Variants in NKAIN3 observed in about 807,000 individuals in gnomAD.
NKAIN3 encodes the protein sodium/potassium-transporting ATPase subunit beta-1-interacting protein 3.
Under a neutral mutation model 30.2 loss-of-function variants are expected in NKAIN3, and 25 were observed. That is an observed-to-expected ratio of 0.83 (90% CI 0.60 to 1.16). The LOEUF (loss-of-function observed/expected upper bound fraction) is 1.16, where lower values mean the gene tolerates loss of function less well. NKAIN3 is among the 50% of genes most tolerant of loss of function. The pLI is 0.00. For missense variants in NKAIN3, 225 were observed against 254.1 expected, an observed-to-expected ratio of 0.89 and a Z score of 0.78; for synonymous variants, 91 against 89.6, an observed-to-expected ratio of 1.02 and a Z score of -0.09.
chr8:62,358,907 C>G (rs925784060), intron 1 of NKAIN3, among the ~76,000 whole-genome samples: 1 of 152,126 alleles, frequency 6.6e-6, no homozygotes, highest in Non-Finnish European at 1.5e-5. Flanking sequence ...TATGGCCGGG[C>G]GCGGTGGCTC....
intron 4 of NKAIN3, among the ~76,000 whole-genome samples, chr8:62,747,491 G>C (rs1026781067): frequency 6.6e-6 from 1 of 152,126 alleles, no homozygotes; most frequent in Non-Finnish European, 1.5e-5. Flanking sequence ...GAGAAAGAAG[G>C]ATGGAAACAC....
rs1823908929 is a variant in NKAIN3, at chr8:62,974,825, G to A, written c.*9418G>A. Among the ~76,000 whole-genome samples, 1 of 152,122 alleles carries A rather than the reference G, an allele frequency of 6.6e-6. No homozygotes were observed. The highest frequency in any genetic ancestry group is 2.1e-4 in the South Asian group (1 of 4,824). ...GTCATAACAGCTCTTATTATTTTGA[G>A]ATATGTTCCATCAATACCTAGTTTA... On this transcript the variant is annotated 3_prime_UTR_variant, in exon 7 of 7. Transcript: ENST00000623646.
At chr8:62,286,302 C>T (rs970728899) in intron 1 of NKAIN3, among the ~76,000 whole-genome samples, 2 of 152,120 alleles carry the variant, frequency 1.3e-5, no homozygotes, top group African/African-American at 4.8e-5. Flanking sequence ...CAAAATTTAT[C>T]TTAGCAGGCT....
At chr8:62,292,603 C>T (rs1321920654) in intron 1 of NKAIN3, among the ~76,000 whole-genome samples, 2 of 152,170 alleles carry the variant, frequency 1.3e-5, no homozygotes, top group Non-Finnish European at 2.9e-5. Flanking sequence ...GCTGAGAGAT[C>T]CACCGTTAGT....
At chr8:62,809,836 T>G (rs1372131612) in intron 4 of NKAIN3, among the ~76,000 whole-genome samples, 1 of 152,212 alleles carries the variant, frequency 6.6e-6, no homozygotes, top group Non-Finnish European at 1.5e-5. Context: ...GAAACGGCAT[T>G]TGCCTGAGGT....
rs1234055730 is a variant in NKAIN3, at chr8:62,983,969, G to A, written c.*18562G>A. ...CGTTTAAATAAAACTTAACAGACTA[G>A]GCAACTAAAGGAACTCAGTAAAAGA... is the stretch of plus-strand genomic sequence containing the variant. On this transcript the variant is annotated 3_prime_UTR_variant, in exon 7 of 7. Coordinates refer to ENST00000623646, the MANE Select transcript of NKAIN3 (RefSeq NM_001304533.3). The A allele has an allele frequency of 6.6e-6, 1 of 152,150 alleles. No homozygotes were observed. Among genetic ancestry groups the A allele is most frequent in the South Asian group, 2.1e-4 (1 of 4,822 alleles). 9.4% of individuals were successfully genotyped at this position (152,150 alleles called of 1,614,324 possible).
At chr8:62,609,621 C>T (rs1236248177) in intron 3 of NKAIN3, among the ~76,000 whole-genome samples, 1 of 151,942 alleles carries the variant, frequency 6.6e-6, no homozygotes. Context: ...TAAATATACA[C>T]TATAATTGCT....
intron 3 of NKAIN3, among the ~76,000 whole-genome samples, chr8:62,695,120 C>T (rs915997984): frequency 2.0e-5 from 3 of 152,210 alleles, no homozygotes; most frequent in Admixed American, 2.0e-4. Flanking sequence ...ATCCCTCCTT[C>T]CTTGCCTTAT....
At chr8:62,812,227 A>C (rs533118258) in intron 4 of NKAIN3, among the ~76,000 whole-genome samples, 5 of 152,070 alleles carry the variant, frequency 3.3e-5, no homozygotes, top group Admixed American at 3.3e-4. Flanking sequence ...CCACACTCTC[A>C]TAACTACAAC....
intron 2 of NKAIN3, among the ~76,000 whole-genome samples, chr8:62,587,516 T>G (rs922547246): frequency 5.3e-5 from 8 of 151,988 alleles, no homozygotes; most frequent in African/African-American, 1.9e-4. Context: ...ATTGCTTAAT[T>G]TGGTGACTGG....
chr8:62,792,612 A>G (rs539916976), intron 4 of NKAIN3, among the ~76,000 whole-genome samples: 6 of 152,202 alleles, frequency 3.9e-5, no homozygotes, highest in South Asian at 2.1e-4. Context: ...AACAGGTAAT[A>G]GTAGCTCAGT....
chr8:62,845,720 C>A (rs1196676934), intron 4 of NKAIN3, among the ~76,000 whole-genome samples: 1 of 152,032 alleles, frequency 6.6e-6, no homozygotes, highest in African/African-American at 2.4e-5. Context: ...GCAGGCAGGA[C>A]TGGGAGCTAG....
At chr8:62,437,120 T>C (rs564180110) in intron 1 of NKAIN3, among the ~76,000 whole-genome samples, 26 of 151,666 alleles carry the variant, frequency 1.7e-4, no homozygotes, top group African/African-American at 6.3e-4. Context: ...GTTGTGAGAT[T>C]TTCAAGGACA....
chr8:62,537,842 G>A (rs1276805409), intron 1 of NKAIN3, among the ~76,000 whole-genome samples: 1 of 152,122 alleles, frequency 6.6e-6, no homozygotes, highest in Admixed American at 6.6e-5. Context: ...CTTTGGTCAG[G>A]TTGCTTTTGG....
intron 4 of NKAIN3, among the ~76,000 whole-genome samples, chr8:62,870,667 A>G (rs1202301248): frequency 1.1e-5 from 1 of 90,018 alleles, no homozygotes; most frequent in East Asian, 2.3e-4. Flanking sequence ...AGATATATAT[A>G]GATATCTATA....
At chr8:62,902,185 G>A (rs1396693491) in intron 4 of NKAIN3, among the ~76,000 whole-genome samples, 1 of 152,172 alleles carries the variant, frequency 6.6e-6, no homozygotes, top group Non-Finnish European at 1.5e-5. Context: ...ATCTGTATTT[G>A]AGGATCCATT....
intron 1 of NKAIN3, among the ~76,000 whole-genome samples, chr8:62,338,058 T>C (rs996010520): frequency 4.6e-5 from 7 of 152,074 alleles, no homozygotes; most frequent in Non-Finnish European, 1.0e-4. Context: ...TTTTGATATA[T>C]GTTATTTATT....
intron 1 of NKAIN3, among the ~76,000 whole-genome samples, chr8:62,417,188 AT>A (rs1316494121): frequency 2.0e-5 from 3 of 151,720 alleles, no homozygotes; most frequent in African/African-American, 7.3e-5. Flanking sequence ...AATTGTTTTG[AT>A]TTTTTAGATC....
At chr8:62,855,842 C>T in intron 4 of NKAIN3, 1 of 807,114 alleles carries the variant, frequency 1.2e-6, no homozygotes. Flanking sequence ...CCAGAAATTT[C>T]TGGTCATCCA....
Sources: gnomAD v4.1 joint callset for allele counts (sites outside exome capture counted in the v4.1 genomes callset) on GRCh38, gnomAD v4.1.1 for gene constraint, MANE v1.5 for transcripts, NCBI Gene and HGNC (gene_info 2026-07-23, HGNC 2026-07-21) for gene names.